The following KIDINS220 variants were observed in gnomAD, a reference collection of about 807,000 sequenced individuals.
KIDINS220 encodes kinase D interacting substrate 220.
In KIDINS220, 63 loss-of-function variants were observed where a neutral mutation model predicts 157.6. The observed-to-expected ratio is 0.40, with a 90% CI of 0.33 to 0.49. The LOEUF is 0.49. Among genes scored for constraint, KIDINS220 ranks in the 20% least tolerant of loss-of-function variants. The pLI is 0.66. For synonymous variants in KIDINS220, 732 were observed against 783.6 expected (o/e 0.93, Z 1.10); for missense variants, 1,772 against 2,171.2 (o/e 0.82, Z 3.65).
intron 6 of KIDINS220, among the ~76,000 whole-genome samples, chr2:8,807,977 A>G (rs911838168): frequency 6.6e-6 from 1 of 152,100 alleles, no homozygotes; most frequent in African/African-American, 2.4e-5. Flanking sequence ...CAAAAAAATT[A>G]GCCAGGCGTG....
intron 22 of KIDINS220, among the ~76,000 whole-genome samples, chr2:8,765,873 T>A (rs1669418792): frequency 6.6e-6 from 1 of 152,114 alleles, no homozygotes; most frequent in African/African-American, 2.4e-5. Flanking sequence ...CCGACTCTAT[T>A]AATCATTTCA....
intron 15 of KIDINS220, 57 bp from the exon 16 acceptor site, chr2:8,786,414 C>T (rs1035355258): frequency 2.0e-5 from 26 of 1,305,222 alleles, no homozygotes; most frequent in Non-Finnish European, 2.9e-5. Flanking sequence ...CAAATAACTT[C>T]AATGTATGTC....
chr2:8,822,150 A>G (rs557360535), intron 2 of KIDINS220, among the ~76,000 whole-genome samples: 51 of 152,302 alleles, frequency 3.3e-4, no homozygotes, highest in African/African-American at 1.2e-3. Context: ...AACAACTACT[A>G]TTTAAGCATC....
At chr2:8,774,509 G>A (rs201847379) in intron 21 of KIDINS220, among the ~76,000 whole-genome samples, 2 of 152,094 alleles carry the variant, frequency 1.3e-5, no homozygotes, top group South Asian at 2.1e-4. Context: ...CATTTTATAC[G>A]AGATGGTGAG....
chr2:8,761,138 T>C (rs927476716), intron 22 of KIDINS220, among the ~76,000 whole-genome samples: 2 of 152,290 alleles, frequency 1.3e-5, no homozygotes, highest in East Asian at 1.9e-4. Flanking sequence ...TAGGCATCAC[T>C]AGCAATATCA....
chr2:8,808,455 T>G (rs1675826365), intron 6 of KIDINS220, among the ~76,000 whole-genome samples: 1 of 152,218 alleles, frequency 6.6e-6, no homozygotes, highest in Non-Finnish European at 1.5e-5. Context: ...TTTCTGCTCC[T>G]TCCCCTGCCT....
At chr2:8,822,181 T>G (rs1482266363) in intron 2 of KIDINS220, among the ~76,000 whole-genome samples, 2 of 152,242 alleles carry the variant, frequency 1.3e-5, no homozygotes, top group African/African-American at 4.8e-5. Context: ...TCCCAATTTC[T>G]AGGTTCCCAT....
At chr2:8,758,453 T>G (rs1442252243) in intron 22 of KIDINS220, among the ~76,000 whole-genome samples, 1 of 152,228 alleles carries the variant, frequency 6.6e-6, no homozygotes, top group Non-Finnish European at 1.5e-5. Flanking sequence ...GATCTGCCTC[T>G]GAGCCTGGAC....
chr2:8,798,677 T>G (rs1674296248), intron 9 of KIDINS220, among the ~76,000 whole-genome samples: 2 of 152,204 alleles, frequency 1.3e-5, no homozygotes, highest in African/African-American at 4.8e-5. Context: ...TATTGCCCAA[T>G]TTTTCAAAAG....
chr2:8,793,802 A>G lies in KIDINS220; in HGVS notation c.1276+8T>C. The G allele has an allele frequency of 1.3e-6, 2 of 1,583,648 alleles. No homozygotes were observed. The highest frequency in any genetic ancestry group is 1.2e-5 in the South Asian group (1 of 86,052). On this transcript the variant is annotated splice_region_variant and intron_variant, in intron 12 of 29. Transcript: ENST00000256707. Reference sequence around the variant, plus strand: ...AAAGCTCAGTTAGGAGCAAAACTCAATACTTACTGGCTCCAAATATTTGAG... The same window carrying G: ...AAAGCTCAGTTAGGAGCAAAACTCAGTACTTACTGGCTCCAAATATTTGAG...
At chr2:8,820,185 C>T (rs1572797285) in intron 2 of KIDINS220, among the ~76,000 whole-genome samples, 2 of 152,272 alleles carry the variant, frequency 1.3e-5, no homozygotes, top group South Asian at 2.1e-4. Context: ...TCAACGTGTC[C>T]TCCTGCTCAT....
chr2:8,812,100 T>C (rs1676409152), intron 6 of KIDINS220, among the ~76,000 whole-genome samples: 1 of 152,158 alleles, frequency 6.6e-6, no homozygotes, highest in Non-Finnish European at 1.5e-5. Context: ...TAGGACTGAA[T>C]GTAGGAAGGA....
Position 8,802,999 on chromosome 2 carries a change from T to C in KIDINS220, c.732A>G (p.Ser244=). ...GCACAATCTCCGTATGTCCCTCCTT[T>C]GATGCAATCATCAAAGCTGTATTTC... ...KDGNTALMIA[S]KEGHTEIVQD... The change falls in exon 8 of 30, where the codon TCA becomes TCG. Residue 244 remains serine, a synonymous_variant. Transcript: ENST00000256707. 6.2e-7 allele frequency: 1 copy of C among 1,613,952 alleles called. No individual in the cohort carries two copies. The highest frequency in any genetic ancestry group is 1.3e-5 in the African/African-American group (1 of 75,052).
chr2:8,739,515 C>T (rs1665346990), intron 26 of KIDINS220, among the ~76,000 whole-genome samples: 1 of 151,858 alleles, frequency 6.6e-6, no homozygotes, highest in Non-Finnish European at 1.5e-5. Flanking sequence ...ATCTTATAAC[C>T]AAAATAATAA....
chr2:8,812,391 C>A lies in KIDINS220; in HGVS notation c.504+4G>T. On this transcript the variant is annotated splice_donor_region_variant and intron_variant, in intron 6 of 29. Transcript: ENST00000256707. ...TGGAACCTGAAAAGATGCTGCTGAC[C>A]TACCTTATCAGAGCAGTTGACTTTA... 6.4e-7 allele frequency: 1 copy of A among 1,560,890 alleles called. No homozygotes were observed. The highest frequency in any genetic ancestry group is 1.4e-5 in the African/African-American group (1 of 73,232).
At chr2:8,736,175 G>A (rs1407611037) in intron 27 of KIDINS220, among the ~76,000 whole-genome samples, 1 of 152,138 alleles carries the variant, frequency 6.6e-6, no homozygotes, top group Non-Finnish European at 1.5e-5. Flanking sequence ...AATATTAGAG[G>A]CTGGTTATTA....
chr2:8,744,854 A>AG (rs1158192500), intron 26 of KIDINS220, among the ~76,000 whole-genome samples: 1 of 152,196 alleles, frequency 6.6e-6, no homozygotes, highest in African/African-American at 2.4e-5. Flanking sequence ...ATTTCTTAAA[A>AG]GCAAAGGAAG....
intron 1 of KIDINS220, among the ~76,000 whole-genome samples, chr2:8,837,204 A>AG (rs1365686861): frequency 1.3e-5 from 2 of 152,020 alleles, no homozygotes; most frequent in African/African-American, 4.8e-5. Flanking sequence ...AACCCACCCG[A>AG]GGGGCCCCTC....
intron 22 of KIDINS220, among the ~76,000 whole-genome samples, chr2:8,762,396 C>T (rs1668863951): frequency 6.6e-6 from 1 of 152,090 alleles, no homozygotes; most frequent in South Asian, 2.1e-4. Flanking sequence ...CTGAAAATGG[C>T]ATTATGAGAG....
Sources: allele counts gnomAD v4.1 joint callset (sites outside exome capture counted in the v4.1 genomes callset), GRCh38; gene constraint gnomAD v4.1.1; transcripts MANE v1.5; gene names NCBI Gene and HGNC (gene_info 2026-07-23, HGNC 2026-07-21).